The following ELMO1 variants were observed in gnomAD, a reference collection of about 807,000 sequenced individuals.
The protein encoded by ELMO1 is engulfment and cell motility protein 1.
In ELMO1, 26 loss-of-function variants were observed where a neutral mutation model predicts 98.9. The observed-to-expected ratio is 0.26, with a 90% confidence interval of 0.19 to 0.36. ELMO1 has a LOEUF of 0.36. ELMO1 is among the 10% of genes least tolerant of loss of function. The pLI is 1.00. For missense variants in ELMO1, 627 were observed against 935.2 expected (o/e 0.67, Z 4.30); for synonymous variants, 346 against 346.0 (o/e 1.00, Z 0.00).
At chr7:37,290,087 T>C (rs745898572) in intron 4 of ELMO1, among the ~76,000 whole-genome samples, 2 of 152,210 alleles carry the variant, frequency 1.3e-5, no homozygotes, top group Non-Finnish European at 2.9e-5. Flanking sequence ...GATCCAAAGA[T>C]AATGACCAGA....
chr7:37,012,422 G>A (rs184678573), intron 16 of ELMO1, among the ~76,000 whole-genome samples: 154 of 152,274 alleles, frequency 1.0e-3, no homozygotes, highest in Non-Finnish European at 1.2e-3. Context: ...CAGACCCTTC[G>A]ACTCTTACAG....
intron 14 of ELMO1, among the ~76,000 whole-genome samples, chr7:37,099,739 A>T (rs1297356949): frequency 1.3e-5 from 2 of 152,228 alleles, no homozygotes; most frequent in Non-Finnish European, 2.9e-5. Flanking sequence ...CCATTAATAA[A>T]GTAGGTATTA....
At chr7:36,911,493 C>T (rs1013240137) in intron 16 of ELMO1, among the ~76,000 whole-genome samples, 3 of 152,062 alleles carry the variant, frequency 2.0e-5, no homozygotes, top group East Asian at 1.9e-4. Flanking sequence ...GGCTTCCAAA[C>T]GAACATCTCA....
intron 15 of ELMO1, among the ~76,000 whole-genome samples, chr7:37,069,651 A>G (rs1455174698): frequency 1.3e-5 from 2 of 152,226 alleles, no homozygotes; most frequent in Non-Finnish European, 2.9e-5. Context: ...AAGCACTTTT[A>G]GCTCAATCTT....
intron 20 of ELMO1, among the ~76,000 whole-genome samples, chr7:36,868,633 C>A (rs1803245775): frequency 6.6e-6 from 1 of 152,222 alleles, no homozygotes; most frequent in Non-Finnish European, 1.5e-5. Context: ...CAGGCGCGAG[C>A]CACCACACCC....
intron 16 of ELMO1, among the ~76,000 whole-genome samples, chr7:36,895,523 G>C (rs1459126775): frequency 1.3e-5 from 2 of 152,228 alleles, no homozygotes; most frequent in South Asian, 2.1e-4. Flanking sequence ...GTTAGGGCTT[G>C]AGTGTTCATA....
intron 2 of ELMO1, among the ~76,000 whole-genome samples, chr7:37,329,350 CA>C (rs1799982725): frequency 1.3e-5 from 2 of 152,106 alleles, no homozygotes; most frequent in Admixed American, 1.3e-4. Flanking sequence ...GTGGAATGAT[CA>C]AATCAGAGTA....
intron 16 of ELMO1, among the ~76,000 whole-genome samples, chr7:36,960,765 T>C (rs1375592917): frequency 6.6e-6 from 1 of 152,166 alleles, no homozygotes; most frequent in Non-Finnish European, 1.5e-5. Flanking sequence ...AAAGGCAGCT[T>C]GGAGATCCCT....
chr7:37,308,070 G>A (rs373121986), intron 4 of ELMO1, among the ~76,000 whole-genome samples: 4 of 152,168 alleles, frequency 2.6e-5, no homozygotes, highest in East Asian at 3.9e-4. Context: ...CCAAGATTGC[G>A]CCACTGCACT....
chr7:36,899,053 C>A (rs1806278859), intron 16 of ELMO1, among the ~76,000 whole-genome samples: 1 of 152,046 alleles, frequency 6.6e-6, no homozygotes, highest in African/African-American at 2.4e-5. Context: ...ACAGCAGCAG[C>A]CTGAGTGAAG....
intron 8 of ELMO1, among the ~76,000 whole-genome samples, chr7:37,226,621 A>G (rs2130573239): frequency 6.6e-6 from 1 of 152,272 alleles, no homozygotes; most frequent in South Asian, 2.1e-4. Context: ...TTCATTGACA[A>G]TACTTCAGAT....
At chr7:37,328,600 G>C (rs1799945043) in intron 2 of ELMO1, among the ~76,000 whole-genome samples, 1 of 152,062 alleles carries the variant, frequency 6.6e-6, no homozygotes, top group Non-Finnish European at 1.5e-5. Context: ...TGGGTGCCTT[G>C]GTTCCTGGCA....
At chr7:37,233,702 C>A (rs997461814) in intron 7 of ELMO1, among the ~76,000 whole-genome samples, 1 of 149,218 alleles carries the variant, frequency 6.7e-6, no homozygotes, top group African/African-American at 2.5e-5. Context: ...ATTAAAAATA[C>A]TTCTATTAAG....
At chr7:37,068,896 T>C (rs1245196308) in intron 15 of ELMO1, among the ~76,000 whole-genome samples, 1 of 152,108 alleles carries the variant, frequency 6.6e-6, no homozygotes, top group East Asian at 1.9e-4. Context: ...ATCTTAAATA[T>C]AAAGGTGGCT....
chr7:37,217,953 T>C (rs902220003), intron 10 of ELMO1, among the ~76,000 whole-genome samples: 1 of 152,170 alleles, frequency 6.6e-6, no homozygotes, highest in Admixed American at 6.5e-5. Flanking sequence ...TACTAGGTCT[T>C]ATACTCTTGA....
At chr7:37,324,389 A>T (rs2131159607) in intron 2 of ELMO1, among the ~76,000 whole-genome samples, 1 of 91,752 alleles carries the variant, frequency 1.1e-5, no homozygotes, top group Middle Eastern at 5.2e-3. Flanking sequence ...GCCTGCCTCA[A>T]AATGGGCATC....
At chr7:37,210,847 T>C (rs1486250694) in intron 13 of ELMO1, among the ~76,000 whole-genome samples, 1 of 152,092 alleles carries the variant, frequency 6.6e-6, no homozygotes, top group Non-Finnish European at 1.5e-5. Flanking sequence ...ATGGATTATA[T>C]TCAGGACAAG....
At chr7:37,406,522 C>T (rs557644710) in intron 1 of ELMO1, among the ~76,000 whole-genome samples, 28 of 152,094 alleles carry the variant, frequency 1.8e-4, no homozygotes, top group East Asian at 5.8e-4. Context: ...CTCCGCCTCC[C>T]GGGTTCACAC....
chr7:37,052,472 T>C (rs1584569585), intron 15 of ELMO1, among the ~76,000 whole-genome samples: 1 of 152,232 alleles, frequency 6.6e-6, no homozygotes, highest in African/African-American at 2.4e-5. Flanking sequence ...AGGCCCTCTT[T>C]CTCAGGCTGC....
Sources: allele counts gnomAD v4.1 joint callset (sites outside exome capture counted in the v4.1 genomes callset), GRCh38; gene constraint gnomAD v4.1.1; transcripts MANE v1.5; gene names NCBI Gene and HGNC (gene_info 2026-07-23, HGNC 2026-07-21).